Variants in RCOR1 observed in about 807,000 individuals in gnomAD.
The protein encoded by RCOR1 is REST corepressor.
Under a neutral mutation model 64.0 loss-of-function variants are expected in RCOR1, and 12 were observed. The observed-to-expected ratio is 0.19, with a 90% CI of 0.12 to 0.30. RCOR1 has a LOEUF of 0.30. Among genes scored for constraint, RCOR1 ranks in the 10% least tolerant of loss-of-function variants. The pLI, the probability that RCOR1 is intolerant of heterozygous loss-of-function variation, is 1.00. For missense variants in RCOR1, 502 were observed against 621.2 expected (o/e 0.81, Z 2.04); for synonymous variants, 279 against 227.2 (o/e 1.23, Z -2.05).
At chr14:102,713,059 G>C (rs747898864) in intron 7 of RCOR1, among the ~76,000 whole-genome samples, 5 of 141,404 alleles carry the variant, frequency 3.5e-5, no homozygotes, top group Non-Finnish European at 6.0e-5. Flanking sequence ...GGTTCAAGCA[G>C]TTCTCTGCTT....
chr14:102,705,602 C>T (rs1567441876), intron 4 of RCOR1, among the ~76,000 whole-genome samples: 1 of 152,028 alleles, frequency 6.6e-6, no homozygotes, highest in Non-Finnish European at 1.5e-5. Context: ...GCGCGCACCA[C>T]CATGCCTGGC....
At chr14:102,680,412 C>A (rs1025007436) in intron 2 of RCOR1, among the ~76,000 whole-genome samples, 4 of 152,080 alleles carry the variant, frequency 2.6e-5, no homozygotes, top group African/African-American at 7.2e-5. Context: ...TTTGTATTCC[C>A]TTTGGGGTCC....
intron 3 of RCOR1, among the ~76,000 whole-genome samples, chr14:102,686,633 C>T (rs560111329): frequency 2.0e-5 from 3 of 152,300 alleles, no homozygotes; most frequent in South Asian, 4.1e-4. Context: ...AACTGTTGAT[C>T]GTTTTACTGT....
intron 2 of RCOR1, among the ~76,000 whole-genome samples, chr14:102,671,895 T>G (rs1377689254): frequency 6.6e-6 from 1 of 152,200 alleles, no homozygotes; most frequent in African/African-American, 2.4e-5. Context: ...CATCTTTCTG[T>G]CTGGACGGTT....
intron 3 of RCOR1, among the ~76,000 whole-genome samples, chr14:102,685,490 T>G (rs1288189790): frequency 1.3e-5 from 2 of 152,068 alleles, no homozygotes. Context: ...CATTTCTTTT[T>G]TTTTTTTTTG....
intron 2 of RCOR1, among the ~76,000 whole-genome samples, chr14:102,615,397 C>T (rs1028949195): frequency 4.0e-5 from 6 of 151,740 alleles, no homozygotes; most frequent in African/African-American, 1.5e-4. Context: ...CCATCGTGGC[C>T]TCCTGCAGTG....
intron 2 of RCOR1, among the ~76,000 whole-genome samples, chr14:102,673,906 C>T (rs1219656571): frequency 1.3e-5 from 2 of 152,310 alleles, no homozygotes; most frequent in East Asian, 1.9e-4. Context: ...TGAGCCACCG[C>T]GCCCAGCCCC....
intron 2 of RCOR1, among the ~76,000 whole-genome samples, chr14:102,627,335 C>T (rs1051973703): frequency 6.6e-6 from 1 of 152,174 alleles, no homozygotes; most frequent in African/African-American, 2.4e-5. Context: ...TTCTTATCAG[C>T]GTATTAAACG....
chr14:102,694,558 A>G (rs1259513203), intron 3 of RCOR1, among the ~76,000 whole-genome samples: 1 of 152,210 alleles, frequency 6.6e-6, no homozygotes, highest in African/African-American at 2.4e-5. Context: ...TACAGGCGTG[A>G]GCCATTGCGC....
intron 2 of RCOR1, among the ~76,000 whole-genome samples, chr14:102,650,261 C>T (rs4900548): frequency 0.098 from 14,661 of 150,212 alleles, 779 homozygotes; most frequent in Middle Eastern, 0.17. Context: ...ATAATCCTGG[C>T]ACTTTGGGAG....
intron 11 of RCOR1, among the ~76,000 whole-genome samples, chr14:102,724,965 C>T (rs1278883749): frequency 2.0e-5 from 3 of 152,118 alleles, no homozygotes; most frequent in Non-Finnish European, 4.4e-5. Flanking sequence ...ATGAGAATTC[C>T]TAGAAGTTCT....
intron 2 of RCOR1, among the ~76,000 whole-genome samples, chr14:102,632,131 G>A (rs1894125478): frequency 6.6e-6 from 1 of 151,748 alleles, no homozygotes; most frequent in Non-Finnish European, 1.5e-5. Context: ...TTCTTGGTGG[G>A]CACTGAATGA....
chr14:102,726,471 C>T lies in RCOR1; in HGVS notation c.1423C>T (p.Pro475Ser). ...IKMPEEEDEA[P>S]VLDVRYASAS ...TTTTTTTTCCTCTTGGCCTCAGGCT[C>T]CTGTTCTGGATGTCAGATATGCATC... Residue 475 changes from proline (P) to serine (S), a missense_variant, in exon 12 of 12, where the codon CCT becomes TCT. Transcript: ENST00000262241. 3.1e-6 allele frequency: 5 copies of T among 1,590,354 alleles called. No homozygotes were observed. The highest frequency in any genetic ancestry group is 4.3e-6 in the Non-Finnish European group (5 of 1,175,140).
chr14:102,691,646 G>C (rs1017957062), intron 3 of RCOR1, among the ~76,000 whole-genome samples: 1 of 152,072 alleles, frequency 6.6e-6, no homozygotes, highest in African/African-American at 2.4e-5. Flanking sequence ...ATTTTTTTAA[G>C]TGCTCTAGAA....
rs1896348018 is a variant in RCOR1, at chr14:102,730,357, A to G, written c.*3851A>G. The G allele has an allele frequency of 4.9e-6, 1 of 203,406 alleles. No individual in the cohort carries two copies. The highest frequency in any genetic ancestry group is 2.3e-5 in the African/African-American group (1 of 43,612). 12.6% of individuals were successfully genotyped at this position (203,406 alleles called of 1,614,324 possible). On this transcript the variant is annotated 3_prime_UTR_variant, in exon 12 of 12. Coordinates refer to ENST00000262241, the MANE Select transcript of RCOR1 (RefSeq NM_015156.4). ...TTGTAATAATGCTGTTGTAAGTAATATTTTAATGTCTCTTTGCCTGTTTTC... is the reference window on the plus strand; with the variant it reads ...TTGTAATAATGCTGTTGTAAGTAATGTTTTAATGTCTCTTTGCCTGTTTTC...
chr14:102,684,189 C>T (rs566774350), intron 3 of RCOR1, among the ~76,000 whole-genome samples: 24 of 152,340 alleles, frequency 1.6e-4, no homozygotes, highest in Non-Finnish European at 2.6e-4. Flanking sequence ...GGCTGCATAG[C>T]AAACCCGTGG....
intron 2 of RCOR1, among the ~76,000 whole-genome samples, chr14:102,650,404 G>A (rs1376650222): frequency 6.9e-6 from 1 of 145,966 alleles, no homozygotes; most frequent in Non-Finnish European, 1.5e-5. Context: ...GTGGGTGGGT[G>A]GGTGGATGGA....
chr14:102,601,869 C>T (rs1177229280), intron 2 of RCOR1, among the ~76,000 whole-genome samples: 1 of 152,042 alleles, frequency 6.6e-6, no homozygotes, highest in African/African-American at 2.4e-5. Flanking sequence ...GTCAGAATTC[C>T]CATACGTGTT....
chr14:102,617,359 G>T (rs1414380960), intron 2 of RCOR1, among the ~76,000 whole-genome samples: 1 of 152,094 alleles, frequency 6.6e-6, no homozygotes, highest in African/African-American at 2.4e-5. Context: ...TATGTCTGTT[G>T]CCTTGCTTTC....
Sources: allele counts gnomAD v4.1 joint callset (sites outside exome capture counted in the v4.1 genomes callset), GRCh38; gene constraint gnomAD v4.1.1; transcripts MANE v1.5; gene names NCBI Gene and HGNC (gene_info 2026-07-23, HGNC 2026-07-21).